The following RBFOX1 variants were observed in gnomAD, a reference collection of about 807,000 sequenced individuals.
RBFOX1 encodes RNA binding protein fox-1 homolog 1.
A neutral mutation model predicts 57.7 loss-of-function variants in RBFOX1; 8 were observed. That is an observed-to-expected ratio of 0.14 (90% confidence interval 0.08 to 0.25). The LOEUF is 0.25. Among genes scored for constraint, RBFOX1 ranks in the 10% least tolerant of loss-of-function variants. The pLI is 1.00. For synonymous variants in RBFOX1, 326 were observed against 222.4 expected (o/e 1.47, Z -4.15); for missense variants, 611 against 548.5 (o/e 1.11, Z -1.14).
chr16:6,770,373 C>T (rs561426413), intron 3 of RBFOX1, among the ~76,000 whole-genome samples: 3 of 152,188 alleles, frequency 2.0e-5, no homozygotes, highest in African/African-American at 7.2e-5. Flanking sequence ...GCCTGTGGGC[C>T]ACATTTACTC....
chr16:5,620,034 C>T (rs945414204), intron 3 of RBFOX1, among the ~76,000 whole-genome samples: 14 of 151,446 alleles, frequency 9.2e-5, no homozygotes, highest in Non-Finnish European at 1.9e-4. Context: ...ACTCCAAGAC[C>T]TGAACTCATG....
chr16:6,696,775 G>C (rs1025385635), intron 3 of RBFOX1, among the ~76,000 whole-genome samples: 5 of 152,062 alleles, frequency 3.3e-5, no homozygotes, highest in African/African-American at 1.2e-4. Flanking sequence ...TGTGTTTGGA[G>C]TGTTTAGTTT....
At chr16:6,831,861 T>A (rs919663209) in intron 3 of RBFOX1, among the ~76,000 whole-genome samples, 2 of 152,152 alleles carry the variant, frequency 1.3e-5, no homozygotes, top group African/African-American at 2.4e-5. Flanking sequence ...CTAGGGAGCA[T>A]CATTTATGCA....
intron 3 of RBFOX1, among the ~76,000 whole-genome samples, chr16:6,805,278 T>C (rs1040691548): frequency 6.6e-6 from 1 of 152,138 alleles, no homozygotes; most frequent in African/African-American, 2.4e-5. Context: ...CTTAGCAAAC[T>C]ATGACAGGAA....
At chr16:5,288,368 T>C (rs1175826919) in intron 1 of RBFOX1, among the ~76,000 whole-genome samples, 1 of 152,128 alleles carries the variant, frequency 6.6e-6, no homozygotes, top group Non-Finnish European at 1.5e-5. Flanking sequence ...CACTCACTTG[T>C]TAGAGCTCTT....
At chr16:7,597,134 C>G (rs951628157) in intron 8 of RBFOX1, 11 of 378,700 alleles carry the variant, frequency 2.9e-5, no homozygotes, top group African/African-American at 4.2e-5. Flanking sequence ...TTATTAAACA[C>G]TCTTAATGAT....
chr16:6,301,696 G>A (rs2078835984), intron 1 of RBFOX1, among the ~76,000 whole-genome samples: 1 of 152,228 alleles, frequency 6.6e-6, no homozygotes, highest in African/African-American at 2.4e-5. Context: ...TATAAAAACA[G>A]TTTAGGGGAG....
intron 3 of RBFOX1, among the ~76,000 whole-genome samples, chr16:6,744,999 G>A (rs765607822): frequency 2.6e-5 from 4 of 151,808 alleles, no homozygotes; most frequent in Non-Finnish European, 5.9e-5. Flanking sequence ...GAAAGAGGAG[G>A]CATCACTACA....
At chr16:6,174,151 C>T (rs935301484) in intron 1 of RBFOX1, among the ~76,000 whole-genome samples, 4 of 152,090 alleles carry the variant, frequency 2.6e-5, no homozygotes, top group African/African-American at 4.8e-5. Context: ...TATGAGTCGG[C>T]GTCATGTTGG....
At chr16:5,688,066 C>T (rs928239951) in intron 3 of RBFOX1, among the ~76,000 whole-genome samples, 4 of 152,188 alleles carry the variant, frequency 2.6e-5, no homozygotes, top group Non-Finnish European at 5.9e-5. Flanking sequence ...TCAAGCTCCC[C>T]AGCTGACCTA....
At chr16:7,053,603 C>T (rs956678218) in intron 4 of RBFOX1, among the ~76,000 whole-genome samples, 2 of 152,104 alleles carry the variant, frequency 1.3e-5, no homozygotes, top group East Asian at 3.9e-4. Flanking sequence ...ACTTGCTTGG[C>T]AAGTTAAGGA....
chr16:5,682,700 TG>T (rs1458941568), intron 3 of RBFOX1, among the ~76,000 whole-genome samples: 2 of 152,224 alleles, frequency 1.3e-5, no homozygotes, highest in African/African-American at 2.4e-5. Flanking sequence ...TATCCAAGGT[TG>T]TCCGAGTCTA....
At chr16:5,796,399 C>G (rs1324194765) in intron 3 of RBFOX1, among the ~76,000 whole-genome samples, 1 of 152,134 alleles carries the variant, frequency 6.6e-6, no homozygotes, top group African/African-American at 2.4e-5. Flanking sequence ...CCACAGTGAT[C>G]AAGTATCCAG....
intron 2 of RBFOX1, among the ~76,000 whole-genome samples, chr16:5,498,056 T>G (rs1044903697): frequency 4.0e-5 from 6 of 151,890 alleles, no homozygotes; most frequent in Non-Finnish European, 8.8e-5. Flanking sequence ...GTGGCTGGAG[T>G]GAGTGAGCTT....
chr16:6,058,151 T>G (rs2095637600), intron 1 of RBFOX1, among the ~76,000 whole-genome samples: 1 of 152,152 alleles, frequency 6.6e-6, no homozygotes, highest in Non-Finnish European at 1.5e-5. Context: ...GGGGGTGGAA[T>G]GGAGAAATGC....
chr16:6,296,816 A>C (rs1425051448), intron 1 of RBFOX1, among the ~76,000 whole-genome samples: 2 of 152,120 alleles, frequency 1.3e-5, no homozygotes. Context: ...ATGTGTTACC[A>C]CACCGAGGTA....
intron 14 of RBFOX1, among the ~76,000 whole-genome samples, chr16:7,690,040 CCCTTGAATCCCTT>C (rs1568475926): frequency 1.3e-5 from 2 of 152,198 alleles, no homozygotes; most frequent in African/African-American, 2.4e-5. Flanking sequence ...TGATTCAACT[CCCTTGAATCCCTT>C]CCTTGAATCC....
intron 1 of RBFOX1, among the ~76,000 whole-genome samples, chr16:6,042,391 G>A (rs1036369769): frequency 3.3e-5 from 5 of 152,116 alleles, no homozygotes; most frequent in African/African-American, 1.2e-4. Flanking sequence ...GAGCCACCGT[G>A]CCTGGCCCTT....
intron 2 of RBFOX1, among the ~76,000 whole-genome samples, chr16:6,318,426 G>A (rs961453173): frequency 2.0e-5 from 3 of 152,134 alleles, no homozygotes; most frequent in South Asian, 2.1e-4. Context: ...AAATTTGCTT[G>A]TTACTTGATC....
Sources: gnomAD v4.1 joint callset for allele counts (sites outside exome capture counted in the v4.1 genomes callset) on GRCh38, gnomAD v4.1.1 for gene constraint, MANE v1.5 for transcripts, NCBI Gene and HGNC (gene_info 2026-07-23, HGNC 2026-07-21) for gene names.